Variants in MXRA5 observed in about 807,000 individuals in gnomAD.
MXRA5 encodes the protein matrix-remodeling-associated protein 5.
In MXRA5, 41 loss-of-function variants were observed where a neutral mutation model predicts 112.5. The observed-to-expected ratio is 0.36, with a 90% confidence interval of 0.28 to 0.47. The LOEUF is 0.47. Among genes scored for constraint, MXRA5 ranks in the 20% least tolerant of loss-of-function variants. The probability of loss-of-function intolerance (pLI) is 0.99; values close to 1 mark genes in which losing one functional copy is unlikely to be tolerated. For missense variants in MXRA5, 2,150 were observed against 2,251.0 expected, an observed-to-expected ratio of 0.96 and a Z score of 0.91; for synonymous variants, 862 against 900.8, an observed-to-expected ratio of 0.96 and a Z score of 0.77.
At chrX:3,329,996 G>T (rs778884568) in intron 4 of MXRA5, 22 bp downstream of exon 4, 1 of 1,195,540 alleles carries the variant, frequency 8.4e-7, no homozygotes, top group Non-Finnish European at 1.1e-6. Flanking sequence ...GCTAGGAGTG[G>T]TCTGCTCTCC....
At chrX:3,311,983 G>C (rs1920995840) in intron 6 of MXRA5, among the ~76,000 whole-genome samples, 1 of 112,352 alleles carries the variant, frequency 8.9e-6, no homozygotes. Context: ...TACAGTCATG[G>C]AGATGGTGAA....
Position 3,322,462 on chromosome X carries a change from C to T in MXRA5, c.3223G>A (p.Gly1075Arg), listed in dbSNP as rs778438347. 1.7e-6 allele frequency: 2 copies of T among 1,211,323 alleles called. No individual in the cohort carries two copies. Among genetic ancestry groups the T allele is most frequent in the Non-Finnish European group, 2.2e-6 (2 of 895,264 alleles). Residue 1075 changes from glycine (G) to arginine (R), a missense_variant, in exon 5 of 7, where the codon GGA becomes AGA. Around this residue, in one of 6 missense-constraint regions of MXRA5, gnomAD observed 1,485 missense variants for 1,471.6 expected, o/e 1.01. Coordinates refer to ENST00000217939, the MANE Select transcript of MXRA5 (RefSeq NM_015419.4). ...QTLQGGNMLE[G>R]DPTHSRSSES... is the part of the protein sequence containing the mutation. ...GAACTTCTGGAGTGTGTGGGGTCTC[C>T]CTCTAGCATATTTCCTCCCTGTAGT...
Position 3,323,698 on chromosome X carries a change from T to C in MXRA5, c.1987A>G (p.Thr663Ala), listed in dbSNP as rs138799853. Residue 663 changes from threonine (T) to alanine (A), a missense_variant, in exon 5 of 7, where the codon ACG becomes GCG. By Grantham distance (58) the Thr-to-Ala change is moderately conservative. Coordinates refer to ENST00000217939, the MANE Select transcript of MXRA5 (RefSeq NM_015419.4). ...AVNQQGADHF[T>A]VGITVTKKGS... is the part of the protein sequence containing the mutation. ...TTCTTGGTCACTGTGATTCCCACCGTAAAATGGTCTGCCCCTTGCTGGTTG... is the reference window on the plus strand; with the variant it reads ...TTCTTGGTCACTGTGATTCCCACCGCAAAATGGTCTGCCCCTTGCTGGTTG... 605 of 1,208,523 alleles carry C rather than the reference T, an allele frequency of 5.0e-4. 1 individual carries two copies. In the African/African-American group the frequency reaches 9.2e-3, roughly 18 times the overall value.
intron 2 of MXRA5, among the ~76,000 whole-genome samples, chrX:3,341,100 C>CATAATATAATATAAT (rs1182355284): frequency 6.6e-5 from 1 of 15,101 alleles, no homozygotes; most frequent in Non-Finnish European, 1.4e-4. Flanking sequence ...ATATGTTATA[C>CATAATATAATATAAT]ATAATATAAT....
At chrX:3,332,291 T>G (rs6567751) in intron 2 of MXRA5, among the ~76,000 whole-genome samples, 20,686 of 110,017 alleles carry the variant, frequency 0.19, 2,615 homozygotes, top group African/African-American at 0.44. Context: ...TGTCGCCCAG[T>G]CTGGAGTGCA....
chrX:3,314,032 T>G (rs2146915594), intron 6 of MXRA5, among the ~76,000 whole-genome samples: 1 of 111,508 alleles, frequency 9.0e-6, no homozygotes, highest in African/African-American at 3.3e-5. Flanking sequence ...GGACGCTGAT[T>G]TTGCTCCTAC....
intron 5 of MXRA5, among the ~76,000 whole-genome samples, chrX:3,319,560 A>G (rs1921239613): frequency 8.9e-6 from 1 of 112,914 alleles, no homozygotes; most frequent in African/African-American, 3.2e-5. Context: ...AAGGTAAATT[A>G]ATCCTAAAGT....
intron 4 of MXRA5, 41 bp downstream of exon 4, chrX:3,329,977 G>C: frequency 3.4e-6 from 4 of 1,161,389 alleles, no homozygotes; most frequent in Middle Eastern, 3.3e-4. Context: ...AAAGATAAAA[G>C]AATGTGCAGC....
intron 2 of MXRA5, among the ~76,000 whole-genome samples, chrX:3,336,153 T>G (rs1921780709): frequency 8.9e-6 from 1 of 112,015 alleles, no homozygotes; most frequent in Non-Finnish European, 1.9e-5. Context: ...GGATCTAGGT[T>G]GCGCACTCCT....
At position 3,321,161 on chromosome X, in the gene MXRA5, G is replaced by C. The variant is rs1453734413; in HGVS notation, c.4524C>G (p.Thr1508=). ...TTGGACTGGGAAGTGCTGGCTTAGTGGTGGTGGTTTGTCCCAAAGACATGA... is the reference window on the plus strand; with the variant it reads ...TTGGACTGGGAAGTGCTGGCTTAGTCGTGGTGGTTTGTCCCAAAGACATGA... ...TILMSLGQTT[T]TKPALPSPRI... Residue 1508 remains threonine, a synonymous_variant, in exon 5 of 7, where the codon ACC becomes ACG. Transcript: ENST00000217939. The C allele has an allele frequency of 8.3e-7, 1 of 1,210,126 alleles. No homozygotes were observed. Among genetic ancestry groups the C allele is most frequent in the Non-Finnish European group, 1.1e-6 (1 of 895,203 alleles).
At position 3,311,458 on chromosome X, in the gene MXRA5, C is replaced by T; in HGVS notation, c.6745G>A (p.Glu2249Lys). 1 of 1,211,777 alleles carries T rather than the reference C, an allele frequency of 8.3e-7. No homozygotes were observed. The highest frequency in any genetic ancestry group is 1.1e-6 in the Non-Finnish European group (1 of 895,577). The part of the protein sequence containing the change: ...VMKPAKIEHK[E>K]ENDHKVFYGG... ...TAGAAGACTTTGTGGTCGTTCTCCT[C>T]CTTGTGTTCAATCTTGGCCGGTTTC... is the stretch of plus-strand genomic sequence containing the variant. Residue 2249 changes from glutamate to lysine, a missense_variant, in exon 7 of 7, where the codon GAG becomes AAG. By Grantham distance (56) the Glu-to-Lys change is moderately conservative (BLOSUM62 1). Coordinates refer to ENST00000217939, the MANE Select transcript of MXRA5 (RefSeq NM_015419.4).
chrX:3,310,947 A>G lies in MXRA5; in HGVS notation c.7256T>C (p.Leu2419Ser). 8.3e-7 allele frequency: 1 copy of G among 1,211,695 alleles called. No individual in the cohort carries two copies. The highest frequency in any genetic ancestry group is 1.1e-6 in the Non-Finnish European group (1 of 895,532). The change falls in exon 7 of 7, where the codon TTG (leucine) becomes TCG (serine). Residue 2419 changes from leucine to serine, a missense_variant. Around this residue, in one of 6 missense-constraint regions of MXRA5, gnomAD observed 1,485 missense variants for 1,471.6 expected, o/e 1.01. Transcript: ENST00000217939. ...ATCCTCTCCCGCGCTGTTCCTGACCAAGCAGGTGTAGTTGCCGCTGTCAGA... is the reference window on the plus strand; with the variant it reads ...ATCCTCTCCCGCGCTGTTCCTGACCGAGCAGGTGTAGTTGCCGCTGTCAGA... ...QRSDSGNYTC[L>S]VRNSAGEDRK...
Position 3,323,126 on chromosome X carries a change from G to A in MXRA5, c.2559C>T (p.His853=), listed in dbSNP as rs1379144307. The part of the protein sequence containing the change: ...ADVPLLGEEE[H]VLGTISSASM... ...TGGCTGAGGAAATGGTACCCAAAAC[G>A]TGCTCTTCTTCACCAAGTAGAGGTA... The change falls in exon 5 of 7, where the codon CAC becomes CAT. Residue 853 remains histidine, a synonymous_variant. Transcript: ENST00000217939. 1.5e-5 allele frequency: 18 copies of A among 1,211,276 alleles called. No homozygotes were observed. The highest frequency in any genetic ancestry group is 2.3e-4 in the Middle Eastern group (1 of 4,354).
rs749524985 is a variant in MXRA5 at position 3,320,505 on chromosome X, T to C, written c.5180A>G (p.Asn1727Ser). The C allele has an allele frequency of 4.6e-5, 56 of 1,209,961 alleles. No homozygotes were observed. Among genetic ancestry groups the C allele is most frequent in the Middle Eastern group, 4.6e-4 (2 of 4,370 alleles). ...GTTGGTAAAGAAAGGGAGTCTTCCA[T>C]TGGAATAATGAGGAATTCTTGGACT... Reference protein sequence around the residue: ...PPSPRIPHYSNGRLPFFTNKT... With the variant: ...PPSPRIPHYSSGRLPFFTNKT... The change falls in exon 5 of 7, where the codon AAT becomes AGT. Residue 1727 changes from asparagine to serine, a missense_variant. Coordinates refer to ENST00000217939, the MANE Select transcript of MXRA5 (RefSeq NM_015419.4).
intron 2 of MXRA5, among the ~76,000 whole-genome samples, chrX:3,335,726 C>T (rs997702902): frequency 2.7e-5 from 3 of 112,184 alleles, no homozygotes; most frequent in East Asian, 2.8e-4. Context: ...GAAATGCCGA[C>T]GACAGAGTAG....
At chrX:3,329,995 G>T (rs774727448) in intron 4 of MXRA5, 23 bp downstream of exon 4, 4 of 1,197,826 alleles carry the variant, frequency 3.3e-6, no homozygotes, top group Non-Finnish European at 4.5e-6. Flanking sequence ...AGCTAGGAGT[G>T]GTCTGCTCTC....
chrX:3,344,318 T>C (rs1383996514), intron 1 of MXRA5, among the ~76,000 whole-genome samples: 3 of 112,491 alleles, frequency 2.7e-5, no homozygotes, highest in Admixed American at 1.9e-4. Context: ...TTTATTCGTA[T>C]TCTTTCCTTT....
At chrX:3,340,514 A>G (rs1480865183) in intron 2 of MXRA5, among the ~76,000 whole-genome samples, 4 of 111,898 alleles carry the variant, frequency 3.6e-5, no homozygotes, top group Middle Eastern at 4.6e-3. Context: ...GTGATTCTCT[A>G]GGGTTTTAAA....
Position 3,323,425 on chromosome X carries a change from G to A in MXRA5, c.2260C>T (p.Pro754Ser), listed in dbSNP as rs769670748. The A allele has an allele frequency of 3.3e-6, 4 of 1,210,140 alleles. No individual in the cohort carries two copies. Among genetic ancestry groups the A allele is most frequent in the East Asian group, 5.9e-5 (2 of 33,766 alleles). The change falls in exon 5 of 7, where the codon CCA becomes TCA. Residue 754 changes from proline to serine, a missense_variant. Coordinates refer to ENST00000217939, the MANE Select transcript of MXRA5 (RefSeq NM_015419.4). ...LKLWKHSEKE[P>S]ETNVAEGRRV... is the part of the protein sequence containing the mutation. ...CGACCTTCTGCAACATTGGTCTCTG[G>A]TTCTTTTTCCGAATGCTTCCAGAGT...
Sources: gnomAD v4.1 joint callset for allele counts (sites outside exome capture counted in the v4.1 genomes callset) on GRCh38, gnomAD v4.1.1 for gene constraint, gnomAD v4.1.1 regional missense constraint, MANE v1.5 for transcripts, NCBI Gene and HGNC (gene_info 2026-07-23, HGNC 2026-07-21) for gene names.